The following ITGA9 variants were observed in gnomAD, a reference collection of about 807,000 sequenced individuals.
The protein encoded by ITGA9 is integrin subunit alpha 9, also known as integrin alpha-9.
In ITGA9, 56 loss-of-function variants were observed where a neutral mutation model predicts 127.8. The ratio of observed to expected loss-of-function variants is 0.44; its 90% CI spans 0.35 to 0.55. ITGA9 has a LOEUF of 0.55. Among genes scored for constraint, ITGA9 ranks in the 20% least tolerant of loss-of-function variants. The probability of loss-of-function intolerance (pLI) is 0.00; values close to 1 mark genes in which losing one functional copy is unlikely to be tolerated. For missense variants in ITGA9, 1,196 were observed against 1,347.1 expected (o/e 0.89, Z 1.76); for synonymous variants, 508 against 514.5 (o/e 0.99, Z 0.17).
At chr3:37,485,170 C>T (rs1033287155) in intron 4 of ITGA9, among the ~76,000 whole-genome samples, 3 of 152,126 alleles carry the variant, frequency 2.0e-5, no homozygotes. Context: ...AGCCCGTCCC[C>T]AAGGGCTTGA....
chr3:37,662,460 A>G (rs994625577), intron 17 of ITGA9, among the ~76,000 whole-genome samples: 1 of 152,108 alleles, frequency 6.6e-6, no homozygotes, highest in Admixed American at 6.5e-5. Context: ...AGAGGAGAAC[A>G]TTGAGATGGT....
At chr3:37,685,499 G>A (rs955913193) in intron 18 of ITGA9, among the ~76,000 whole-genome samples, 1 of 152,150 alleles carries the variant, frequency 6.6e-6, no homozygotes, top group African/African-American at 2.4e-5. Flanking sequence ...AGTATCGCTG[G>A]CCACACACAC....
chr3:37,735,975 G>A (rs149146049), intron 19 of ITGA9, among the ~76,000 whole-genome samples: 1 of 152,190 alleles, frequency 6.6e-6, no homozygotes, highest in East Asian at 1.9e-4. Flanking sequence ...TCAAGGTCAT[G>A]GTCCCGGCAG....
intron 16 of ITGA9, among the ~76,000 whole-genome samples, chr3:37,632,934 C>T (rs1490692750): frequency 6.6e-6 from 1 of 152,114 alleles, no homozygotes; most frequent in Non-Finnish European, 1.5e-5. Flanking sequence ...AGCAAGAACC[C>T]AGAAAGTTTA....
chr3:37,621,565 C>T (rs187182294), intron 15 of ITGA9, among the ~76,000 whole-genome samples: 6 of 152,316 alleles, frequency 3.9e-5, no homozygotes, highest in African/African-American at 1.2e-4. Flanking sequence ...ACACCCCAGC[C>T]CCCGACACAC....
chr3:37,502,308 G>A (rs553009099), intron 5 of ITGA9, among the ~76,000 whole-genome samples: 6 of 147,384 alleles, frequency 4.1e-5, no homozygotes, highest in South Asian at 4.6e-4. Context: ...TCTGCGTCCC[G>A]GGTTCAAGCG....
At chr3:37,484,565 C>T (rs1698590104) in intron 4 of ITGA9, among the ~76,000 whole-genome samples, 2 of 152,186 alleles carry the variant, frequency 1.3e-5, no homozygotes, top group South Asian at 4.2e-4. Flanking sequence ...TAGAGTTTGA[C>T]AGGACCTTTC....
chr3:37,684,116 C>T, intron 18 of ITGA9, 101 bp downstream of exon 18: 1 of 1,025,784 alleles, frequency 9.7e-7, no homozygotes, highest in Non-Finnish European at 1.5e-6. Flanking sequence ...AAGCACTAAT[C>T]CTTTCTGTGG....
At chr3:37,470,122 G>A (rs1383593476) in intron 1 of ITGA9, among the ~76,000 whole-genome samples, 1 of 145,142 alleles carries the variant, frequency 6.9e-6, no homozygotes, top group African/African-American at 2.6e-5. Flanking sequence ...GCACTGATGG[G>A]CCTTTAGGTT....
intron 15 of ITGA9, among the ~76,000 whole-genome samples, chr3:37,610,505 C>T (rs1253981839): frequency 6.6e-6 from 1 of 152,208 alleles, no homozygotes; most frequent in Non-Finnish European, 1.5e-5. Context: ...ATCCTAACAG[C>T]TTAAACAATC....
intron 13 of ITGA9, among the ~76,000 whole-genome samples, chr3:37,529,399 G>T (rs1454895034): frequency 6.6e-6 from 1 of 152,106 alleles, no homozygotes; most frequent in East Asian, 1.9e-4. Flanking sequence ...GTGGCAGGGG[G>T]AGGTCAGGGG....
chr3:37,786,021 AG>A (rs1359150543), intron 26 of ITGA9, among the ~76,000 whole-genome samples: 5 of 39,814 alleles, frequency 1.3e-4, no homozygotes, highest in African/African-American at 5.4e-4. Flanking sequence ...AGGGGGGTTG[AG>A]GGGGGTTGAG....
chr3:37,564,038 C>T (rs1413553528), intron 15 of ITGA9, among the ~76,000 whole-genome samples: 1 of 152,178 alleles, frequency 6.6e-6, no homozygotes, highest in Non-Finnish European at 1.5e-5. Context: ...AATTTTGGAA[C>T]ATAATTGAAT....
chr3:37,759,156 C>T (rs1279416439), intron 23 of ITGA9, among the ~76,000 whole-genome samples: 5 of 151,338 alleles, frequency 3.3e-5, no homozygotes, highest in Non-Finnish European at 7.4e-5. Context: ...CCAGCAGAAA[C>T]ATCAGAGGCT....
chr3:37,536,936 C>T (rs935272626), intron 14 of ITGA9, among the ~76,000 whole-genome samples: 2 of 152,222 alleles, frequency 1.3e-5, no homozygotes, highest in Non-Finnish European at 2.9e-5. Context: ...AAAGTGTGGT[C>T]CCAGACCAGC....
chr3:37,739,896 A>G (rs1243254883), intron 20 of ITGA9, among the ~76,000 whole-genome samples: 1 of 152,168 alleles, frequency 6.6e-6, no homozygotes, highest in Non-Finnish European at 1.5e-5. Context: ...CAGTGATCCC[A>G]AGGCTTTTGT....
In ITGA9 at chr3:37,785,132, A is replaced by C. The variant is rs1269853915; in HGVS notation, c.2889+54A>C. 3.2e-6 allele frequency: 4 copies of C among 1,249,374 alleles called. No homozygotes were observed. In the East Asian group the frequency reaches 9.3e-5, roughly 29 times the overall value. 77.4% of individuals were successfully genotyped at this position (1,249,374 alleles called of 1,614,324 possible). A position where few individuals can be genotyped will look rare whatever the true frequency, so the allele number is the denominator to read the frequency against. ...CTCAGAGGGCAAGGGAAGCTGGGTG[A>C]CTTGGAGACCTGGAGCTGGAATTTG... On this transcript the variant is annotated intron_variant, in intron 26 of 27. Coordinates refer to ENST00000264741, the MANE Select transcript of ITGA9 (RefSeq NM_002207.3).
At chr3:37,686,714 T>C (rs1700785673) in intron 18 of ITGA9, among the ~76,000 whole-genome samples, 1 of 151,712 alleles carries the variant, frequency 6.6e-6, no homozygotes, top group African/African-American at 2.4e-5. Flanking sequence ...AGAGTGGTGA[T>C]GGAGCAGGGA....
At chr3:37,608,548 A>T (rs1699989866) in intron 15 of ITGA9, among the ~76,000 whole-genome samples, 1 of 152,206 alleles carries the variant, frequency 6.6e-6, no homozygotes, top group South Asian at 2.1e-4. Flanking sequence ...CATTTTAAAC[A>T]GGTTTGTCCT....
Sources: allele counts gnomAD v4.1 joint callset (sites outside exome capture counted in the v4.1 genomes callset), GRCh38; gene constraint gnomAD v4.1.1; transcripts MANE v1.5; gene names NCBI Gene and HGNC (gene_info 2026-07-23, HGNC 2026-07-21).